The following MAGI1 variants were observed in gnomAD, a reference collection of about 807,000 sequenced individuals.
The protein encoded by MAGI1 is membrane-associated guanylate kinase, WW and PDZ domain-containing protein 1.
Under a neutral mutation model 139.9 loss-of-function variants are expected in MAGI1, and 58 were observed. That is an observed-to-expected ratio of 0.41 (90% CI 0.34 to 0.52). MAGI1 has a LOEUF of 0.52. Ranked by LOEUF, MAGI1 falls within the 20% of genes least tolerant of loss-of-function variation. The pLI is 0.12. For synonymous variants in MAGI1, 812 were observed against 737.9 expected, an observed-to-expected ratio of 1.10 and a Z score of -1.63; for missense variants, 1,874 against 1,901.6, an observed-to-expected ratio of 0.99 and a Z score of 0.27.
intron 1 of MAGI1, among the ~76,000 whole-genome samples, chr3:65,901,200 G>A (rs1425234399): frequency 1.3e-5 from 2 of 152,060 alleles, no homozygotes; most frequent in Non-Finnish European, 2.9e-5. Flanking sequence ...AAACAATCCA[G>A]AGACAAGGAA....
intron 18 of MAGI1, among the ~76,000 whole-genome samples, chr3:65,372,657 C>A (rs763014766): frequency 6.6e-6 from 1 of 152,186 alleles, no homozygotes; most frequent in Non-Finnish European, 1.5e-5. Flanking sequence ...TTTGTCTACA[C>A]TGAAAATCTG....
chr3:65,632,402 T>C (rs1032034242), intron 1 of MAGI1, among the ~76,000 whole-genome samples: 3 of 152,196 alleles, frequency 2.0e-5, no homozygotes, highest in East Asian at 1.9e-4. Flanking sequence ...AAACTGCTTG[T>C]TCTAGTAAGA....
In MAGI1 at chr3:65,651,838, C is replaced by A. The variant is rs142646675; in HGVS notation, c.314-29750G>T. Among the ~76,000 whole-genome samples the A allele has an allele frequency of 1.2e-4, 18 of 152,284 alleles. No individual in the cohort carries two copies. The East Asian group carries it at 3.5e-3, about 29-fold the overall frequency. On this transcript the variant is annotated intron_variant, in intron 1 of 22. Coordinates refer to ENST00000402939, the MANE Select transcript of MAGI1 (RefSeq NM_001033057.2). Reference sequence around the variant, plus strand: ...CCTATAAGTCAACCTTCTCCCCACTCATCTCAAAGTGACTACATTTCAGAC... The same window carrying A: ...CCTATAAGTCAACCTTCTCCCCACTAATCTCAAAGTGACTACATTTCAGAC...
Position 65,430,113 on chromosome 3 carries a change from G to C in MAGI1, c.1574C>G (p.Thr525Ser), listed in dbSNP as rs746542949. 14 of 1,613,522 alleles carry C rather than the reference G, an allele frequency of 8.7e-6. No homozygotes were observed. Among genetic ancestry groups the C allele is most frequent in the East Asian group, 4.5e-5 (2 of 44,804 alleles). Residue 525 changes from threonine (T) to serine (S), a missense_variant, in exon 12 of 23, where the codon ACC becomes AGC. Thr to Ser is a moderately conservative substitution (Grantham distance 58). Around this residue, in one of 5 missense-constraint regions of MAGI1, gnomAD observed 86 missense variants for 130.0 expected, o/e 0.66. Coordinates refer to ENST00000402939, the MANE Select transcript of MAGI1 (RefSeq NM_001033057.2). ...AGCATGTGTGTGTCCCAAAACACAG[G>C]TGTCATTCACACTTACAATCACATC... ...TGDVIVSVNDTCVLGHTHAQV... is the reference protein window; with the variant it reads ...TGDVIVSVNDSCVLGHTHAQV...
Position 65,429,483 on chromosome 3 carries a change from A to T in MAGI1, c.2167+37T>A, listed in dbSNP as rs767381055. On this transcript the variant is annotated intron_variant, in intron 12 of 22. Coordinates refer to ENST00000402939, the MANE Select transcript of MAGI1 (RefSeq NM_001033057.2). ...GTAAGTTAAGCAATGAATTTGGGATAAAAAAAAAATTCAAAGAACAAAACA... is the reference window on the plus strand; with the variant it reads ...GTAAGTTAAGCAATGAATTTGGGATTAAAAAAAAATTCAAAGAACAAAACA... 8.1e-6 allele frequency: 11 copies of T among 1,363,042 alleles called. No individual in the cohort carries two copies. In the African/African-American group the frequency reaches 1.2e-4, roughly 15 times the overall value. 84.4% of individuals were successfully genotyped at this position (1,363,042 alleles called of 1,614,324 possible).
intron 1 of MAGI1, among the ~76,000 whole-genome samples, chr3:65,992,829 A>ATTG (rs943019561): frequency 2.0e-5 from 3 of 151,736 alleles, no homozygotes; most frequent in Non-Finnish European, 2.9e-5. Context: ...CTTTATTTTT[A>ATTG]TTGTTGTTGT....
chr3:65,927,412 A>C (rs2062579307), intron 1 of MAGI1, among the ~76,000 whole-genome samples: 1 of 152,208 alleles, frequency 6.6e-6, no homozygotes, highest in Non-Finnish European at 1.5e-5. Context: ...TGTGACCTGC[A>C]AAGGGTCTGT....
intron 1 of MAGI1, among the ~76,000 whole-genome samples, chr3:65,683,211 C>T (rs567087045): frequency 7.9e-5 from 12 of 152,032 alleles, no homozygotes; most frequent in Middle Eastern, 3.4e-3. Flanking sequence ...ATGGTGGATA[C>T]ATGTCATTAT....
At chr3:65,645,761 A>G (rs1414906739) in intron 1 of MAGI1, among the ~76,000 whole-genome samples, 1 of 152,134 alleles carries the variant, frequency 6.6e-6, no homozygotes, top group Non-Finnish European at 1.5e-5. Flanking sequence ...AAAGAGACGT[A>G]AGGTTTCAGC....
chr3:65,688,494 CA>C, intron 1 of MAGI1: 1 of 452,372 alleles, frequency 2.2e-6, no homozygotes, highest in Non-Finnish European at 4.3e-6. Flanking sequence ...CTTTCCTACC[CA>C]AGGGGGAAGA....
chr3:65,881,418 G>A (rs2060323807), intron 1 of MAGI1, among the ~76,000 whole-genome samples: 1 of 152,156 alleles, frequency 6.6e-6, no homozygotes, highest in Non-Finnish European at 1.5e-5. Context: ...CTCGAGGCCA[G>A]GAGTCCAAGA....
Position 65,430,944 on chromosome 3 carries a change from A to T in MAGI1, c.1364-63T>A, listed in dbSNP as rs1040629223. 3 of 1,471,352 alleles carry T rather than the reference A, an allele frequency of 2.0e-6. No homozygotes were observed. The Admixed American group carries it at 5.4e-5, about 26-fold the overall frequency. The allele number at this position is 1,471,352 out of a possible 1,614,324, so 91.1% of individuals were successfully genotyped here. ...CTGGTGAAAAGGAGAATTAAACAAG[A>T]TTTGAGACAACATATAGATAATTCT... is the stretch of plus-strand genomic sequence containing the variant. On this transcript the variant is annotated intron_variant, in intron 10 of 22. Transcript: ENST00000402939.
At chr3:65,988,284 C>T (rs759696840) in intron 1 of MAGI1, among the ~76,000 whole-genome samples, 1 of 152,102 alleles carries the variant, frequency 6.6e-6, no homozygotes, top group Non-Finnish European at 1.5e-5. Context: ...CCAGAGTGGT[C>T]AGCTATTTTT....
At chr3:65,775,643 T>C (rs264118) in intron 1 of MAGI1, among the ~76,000 whole-genome samples, 23,074 of 151,894 alleles carry the variant, frequency 0.15, 2,180 homozygotes, top group South Asian at 0.38. Context: ...TATAGTTCTT[T>C]TTAACAGTGG....
At chr3:65,998,037 A>G (rs2066546663) in intron 1 of MAGI1, among the ~76,000 whole-genome samples, 1 of 147,996 alleles carries the variant, frequency 6.8e-6, no homozygotes, top group African/African-American at 2.5e-5. Flanking sequence ...CGGGAGGCAG[A>G]GGTTGCAGTG....
intron 1 of MAGI1, among the ~76,000 whole-genome samples, chr3:65,794,157 C>A (rs2039971193): frequency 6.6e-6 from 1 of 152,098 alleles, no homozygotes; most frequent in African/African-American, 2.4e-5. Context: ...TCTGGAATGG[C>A]CATTTTCCTT....
At chr3:65,709,070 T>A (rs955789563) in intron 1 of MAGI1, among the ~76,000 whole-genome samples, 1 of 152,208 alleles carries the variant, frequency 6.6e-6, no homozygotes, top group Admixed American at 6.5e-5. Flanking sequence ...GGCTTTGGCA[T>A]AACAGAAATT....
intron 12 of MAGI1, among the ~76,000 whole-genome samples, chr3:65,425,728 T>C (rs745706585): frequency 9.2e-5 from 14 of 152,148 alleles, no homozygotes; most frequent in Non-Finnish European, 1.9e-4. Flanking sequence ...AACGGAGTGT[T>C]GTGACTCAAC....
chr3:65,514,396 T>C (rs13074574), intron 2 of MAGI1, among the ~76,000 whole-genome samples: 65,646 of 69,736 alleles, frequency 0.94, 31,180 homozygotes, highest in East Asian at 1. Flanking sequence ...AGAAAATTTT[T>C]GCAACCTACT....
Sources: allele counts gnomAD v4.1 joint callset (sites outside exome capture counted in the v4.1 genomes callset), GRCh38; gene constraint gnomAD v4.1.1; regional missense constraint gnomAD v4.1.1; transcripts MANE v1.5; gene names NCBI Gene and HGNC (gene_info 2026-07-23, HGNC 2026-07-21).